Variants in FARP1 observed in about 807,000 individuals in gnomAD.
The protein encoded by FARP1 is FERM, ARHGEF and pleckstrin domain-containing protein 1.
Under a neutral mutation model 128.8 loss-of-function variants are expected in FARP1, and 52 were observed. That is an observed-to-expected ratio of 0.40 (90% confidence interval 0.32 to 0.51). The LOEUF is 0.51. FARP1 is among the 20% of genes least tolerant of loss of function. FARP1 has a pLI of 0.45. For missense variants in FARP1, 1,333 were observed against 1,367.9 expected, an observed-to-expected ratio of 0.97 and a Z score of 0.40; for synonymous variants, 580 against 551.8, an observed-to-expected ratio of 1.05 and a Z score of -0.72.
chr13:98,371,645 C>T (rs1889337143), intron 5 of FARP1, among the ~76,000 whole-genome samples: 2 of 152,046 alleles, frequency 1.3e-5, no homozygotes, highest in Admixed American at 6.6e-5. Context: ...ACTCTCGCAT[C>T]TCAAATTCCT....
At chr13:98,319,672 A>G (rs562556289) in intron 2 of FARP1, among the ~76,000 whole-genome samples, 17 of 152,190 alleles carry the variant, frequency 1.1e-4, no homozygotes, top group Non-Finnish European at 2.1e-4. Flanking sequence ...CCCTTCATAA[A>G]TGTATATGAA....
Position 98,331,454 on chromosome 13 carries a change from G to T in FARP1, c.172-12308G>T, listed in dbSNP as rs575763123. 2.6e-5 allele frequency among the ~76,000 whole-genome samples: 4 copies of T among 152,178 alleles called. No homozygotes were observed. In the South Asian group the frequency reaches 8.3e-4, roughly 32 times the overall value. Reference sequence around the variant, plus strand: ...CTAGTCAGTGTCTCATTCCCCAGCTGCTCATCAGAAGATAGTGAAATATGA... The same window carrying T: ...CTAGTCAGTGTCTCATTCCCCAGCTTCTCATCAGAAGATAGTGAAATATGA... On this transcript the variant is annotated intron_variant, in intron 2 of 26. Transcript: ENST00000319562.
chr13:98,389,062 C>A (rs533120083), intron 9 of FARP1, among the ~76,000 whole-genome samples: 1 of 152,214 alleles, frequency 6.6e-6, no homozygotes. Context: ...GGCGTCTGTC[C>A]CCAACCAGCG....
At chr13:98,389,917 GGGTAATGGA>G (rs1314038263) in intron 9 of FARP1, 31 bp from the exon 10 acceptor site, 1 of 1,600,744 alleles carries the variant, frequency 6.2e-7, no homozygotes. Flanking sequence ...GTGTATCTAT[GGGTAATGGA>G]AAAAACCACC....
At chr13:98,207,908 C>CCA (rs71111934) in intron 1 of FARP1, among the ~76,000 whole-genome samples, 7,398 of 71,342 alleles carry the variant, frequency 0.1, 744 homozygotes, top group Non-Finnish European at 0.11. Context: ...ACCACCACCT[C>CCA]CACACACACA....
intron 1 of FARP1, among the ~76,000 whole-genome samples, chr13:98,165,665 T>C (rs917785787): frequency 3.3e-5 from 4 of 122,964 alleles, no homozygotes; most frequent in Non-Finnish European, 6.8e-5. Flanking sequence ...CTTAATATGA[T>C]AATCTCTCAT....
chr13:98,166,667 T>C (rs1366555903), intron 1 of FARP1, among the ~76,000 whole-genome samples: 1 of 151,978 alleles, frequency 6.6e-6, no homozygotes, highest in African/African-American at 2.4e-5. Flanking sequence ...AAACCTACAG[T>C]GATGGCAAAT....
chr13:98,345,480 C>T (rs999362928), intron 3 of FARP1: 2 of 152,220 alleles, frequency 1.3e-5, no homozygotes, highest in Non-Finnish European at 1.5e-5. Context: ...ATTGTTCTTT[C>T]TAGGTACCGG....
At chr13:98,418,080 C>T (rs985368718) in intron 16 of FARP1, among the ~76,000 whole-genome samples, 16 of 152,252 alleles carry the variant, frequency 1.1e-4, no homozygotes, top group African/African-American at 2.6e-4. Context: ...GACAAAGTCT[C>T]GCTCTGTTGC....
chr13:98,431,371 G>C, intron 18 of FARP1, 91 bp downstream of exon 18: 1 of 775,338 alleles, frequency 1.3e-6, no homozygotes, highest in Non-Finnish European at 2.0e-6. Context: ...GGGGCTCCCC[G>C]GGGAGAGAGG....
intron 1 of FARP1, among the ~76,000 whole-genome samples, chr13:98,193,730 CT>C (rs1383695581): frequency 6.6e-6 from 1 of 152,154 alleles, no homozygotes; most frequent in Non-Finnish European, 1.5e-5. Flanking sequence ...TTCCAAATGC[CT>C]TGTGGAAATC....
chr13:98,244,918 G>C, intron 2 of FARP1: 1 of 1,386,392 alleles, frequency 7.2e-7, no homozygotes, highest in Non-Finnish European at 9.3e-7. Flanking sequence ...AGGAGGCTTG[G>C]TTTGATCTAC....
Position 98,365,445 on chromosome 13 carries a change from T to C in FARP1, c.319+8T>C. On this transcript the variant is annotated splice_region_variant and intron_variant, in intron 4 of 26. Transcript: ENST00000319562. Reference sequence around the variant, plus strand: ...TTGTGAAACAGATTAGAAGTGAGTATATACCATATGTTTAATAGTGATGTG... The same window carrying C: ...TTGTGAAACAGATTAGAAGTGAGTACATACCATATGTTTAATAGTGATGTG... The C allele has an allele frequency of 1.9e-6, 3 of 1,587,176 alleles. No homozygotes were observed. Among genetic ancestry groups the C allele is most frequent in the Non-Finnish European group, 2.6e-6 (3 of 1,156,044 alleles).
Position 98,448,264 on chromosome 13 carries a change from A to T in FARP1, c.3085A>T (p.Ser1029Cys). 1 of 1,614,108 alleles carries T rather than the reference A, an allele frequency of 6.2e-7. No homozygotes were observed. Among genetic ancestry groups the T allele is most frequent in the Non-Finnish European group, 8.5e-7 (1 of 1,179,934 alleles). ...GATGGAAGTGATCCGCAGTGCCACC[A>T]GCTCTGCCTCGCGACCCCACGTGTT... The part of the protein sequence containing the change: ...RWMEVIRSAT[S>C]SASRPHVLSH... The change falls in exon 27 of 27, where the codon AGC (serine) becomes TGC (cysteine). Residue 1029 changes from serine to cysteine, a missense_variant. Ser to Cys is a moderately radical substitution (Grantham distance 112). Around this residue, in one of 2 missense-constraint regions of FARP1, gnomAD observed 1,009 missense variants for 969.8 expected, o/e 1.04. Transcript: ENST00000319562.
intron 2 of FARP1, among the ~76,000 whole-genome samples, chr13:98,286,523 CTT>C (rs1566834450): frequency 6.6e-6 from 1 of 152,186 alleles, no homozygotes. Context: ...GCTTCTCTCT[CTT>C]CTCTTGTCTG....
chr13:98,249,326 T>A (rs1282318400), intron 2 of FARP1, among the ~76,000 whole-genome samples: 4 of 152,248 alleles, frequency 2.6e-5, no homozygotes. Context: ...TATAGCTCCT[T>A]GTTAATGTAC....
intron 11 of FARP1, among the ~76,000 whole-genome samples, chr13:98,392,636 G>A (rs1230685455): frequency 2.0e-5 from 3 of 151,992 alleles, no homozygotes; most frequent in Non-Finnish European, 4.4e-5. Flanking sequence ...GGGCCATACA[G>A]TAGTATGAAG....
intron 1 of FARP1, among the ~76,000 whole-genome samples, chr13:98,170,818 T>C (rs1027116318): frequency 6.7e-6 from 1 of 149,872 alleles, no homozygotes; most frequent in African/African-American, 2.5e-5. Context: ...AAGGTTTTTT[T>C]CCTCTTCTTT....
intron 2 of FARP1, among the ~76,000 whole-genome samples, chr13:98,230,978 A>G (rs1348778331): frequency 6.6e-6 from 1 of 152,218 alleles, no homozygotes; most frequent in Non-Finnish European, 1.5e-5. Flanking sequence ...GAGAAAGTGT[A>G]CGGGGGAGTT....
Sources: gnomAD v4.1 joint callset for allele counts (sites outside exome capture counted in the v4.1 genomes callset) on GRCh38, gnomAD v4.1.1 for gene constraint, gnomAD v4.1.1 regional missense constraint, MANE v1.5 for transcripts, NCBI Gene and HGNC (gene_info 2026-07-23, HGNC 2026-07-21) for gene names.